The following PRSS23 variants were observed in gnomAD, a reference collection of about 807,000 sequenced individuals.
PRSS23 encodes protease, serine 23.
PRSS23 carries 25 observed loss-of-function variants against 34.7 expected under a neutral mutation model. The ratio of observed to expected loss-of-function variants is 0.72; its 90% confidence interval spans 0.53 to 1.01. The LOEUF (loss-of-function observed/expected upper bound fraction) is 1.01, where lower values mean the gene tolerates loss of function less well. Among genes scored for constraint, PRSS23 ranks in the 50% least tolerant of loss-of-function variants. The probability of loss-of-function intolerance (pLI) is 0.00; values close to 1 mark genes in which losing one functional copy is unlikely to be tolerated. For missense variants in PRSS23, 445 were observed against 475.6 expected, an observed-to-expected ratio of 0.94 and a Z score of 0.60; for synonymous variants, 176 against 186.6, an observed-to-expected ratio of 0.94 and a Z score of 0.46.
At chr11:86,850,297 TC>T in intron 2 of PRSS23, among the ~76,000 whole-genome samples, 1 of 152,206 alleles carries the variant, frequency 6.6e-6, no homozygotes, top group East Asian at 1.9e-4. Context: ...CCTAGAAAGT[TC>T]CCCTCTGGAG....
intron 1 of PRSS23, among the ~76,000 whole-genome samples, chr11:86,820,148 A>C (rs1225892554): frequency 2.0e-5 from 3 of 152,204 alleles, no homozygotes; most frequent in Non-Finnish European, 4.4e-5. Context: ...GTATTTCTTC[A>C]ATTTTATTTA....
chr11:86,923,120 C>T (rs892274283), intron 2 of PRSS23, among the ~76,000 whole-genome samples: 1 of 144,722 alleles, frequency 6.9e-6, no homozygotes, highest in Non-Finnish European at 1.5e-5. Flanking sequence ...TTCACCTGTT[C>T]CTGTCTACTT....
At chr11:86,886,186 A>AC (rs1200345727) in intron 2 of PRSS23, among the ~76,000 whole-genome samples, 1 of 151,924 alleles carries the variant, frequency 6.6e-6, no homozygotes, top group Non-Finnish European at 1.5e-5. Context: ...CAACAGTGAG[A>AC]CCCCATCTCT....
At chr11:86,930,145 A>C (rs1414012247) in intron 2 of PRSS23, among the ~76,000 whole-genome samples, 1 of 151,308 alleles carries the variant, frequency 6.6e-6, no homozygotes, top group African/African-American at 2.4e-5. Context: ...ATAGGCATTA[A>C]AAAATATCTG....
chr11:86,857,554 A>G (rs1948580693), intron 2 of PRSS23: 1 of 474,134 alleles, frequency 2.1e-6, no homozygotes, highest in South Asian at 1.6e-5. Context: ...CCAACAGGCT[A>G]AGGAAAAAGG....
intron 2 of PRSS23, among the ~76,000 whole-genome samples, chr11:86,834,559 TTTCCTTTCCTTTCC>T (rs1948389369): frequency 2.4e-5 from 1 of 41,994 alleles, no homozygotes; most frequent in South Asian, 1.0e-3. Context: ...TCCTTTTTCC[TTTCCTTTCCTTTCC>T]TTTCCTTTCC....
chr11:86,887,207 A>T (rs1003822264), intron 2 of PRSS23, among the ~76,000 whole-genome samples: 3 of 152,292 alleles, frequency 2.0e-5, no homozygotes. Context: ...CTTCTTTTAA[A>T]AATTATTCTG....
chr11:86,925,333 G>A (rs1051771931), intron 2 of PRSS23, among the ~76,000 whole-genome samples: 6 of 145,082 alleles, frequency 4.1e-5, no homozygotes, highest in African/African-American at 7.7e-5. Flanking sequence ...TGTGTGTGTC[G>A]TTTACATTTA....
exon 3 of PRSS23, chr11:86,952,079 C>G: frequency 6.2e-7 from 1 of 1,614,068 alleles, no homozygotes. Flanking sequence ...CAGGCTGGCC[C>G]ACACAGCCAT....
intron 1 of PRSS23, among the ~76,000 whole-genome samples, chr11:86,794,223 T>C (rs1947967536): frequency 6.6e-6 from 1 of 152,146 alleles, no homozygotes; most frequent in Admixed American, 6.6e-5. Flanking sequence ...AGAAAAAAAA[T>C]TTCCAATATA....
At chr11:86,831,192 C>A (rs979786560) in intron 2 of PRSS23, among the ~76,000 whole-genome samples, 3 of 152,040 alleles carry the variant, frequency 2.0e-5, no homozygotes, top group Admixed American at 1.3e-4. Flanking sequence ...TGCTTGTACA[C>A]CCTGCGATAT....
At chr11:86,801,095 T>A (rs939200901) in intron 1 of PRSS23, among the ~76,000 whole-genome samples, 2 of 152,136 alleles carry the variant, frequency 1.3e-5, no homozygotes, top group Non-Finnish European at 2.9e-5. Context: ...GTTTTAACCC[T>A]GGGCATGTGA....
At chr11:86,801,134 A>G (rs1346305430) in intron 1 of PRSS23, among the ~76,000 whole-genome samples, 1 of 152,186 alleles carries the variant, frequency 6.6e-6, no homozygotes, top group Admixed American at 6.5e-5. Flanking sequence ...AAGCAAGAGA[A>G]GTGCAAAAGT....
At chr11:86,823,158 T>G (rs1267024453) in intron 1 of PRSS23, among the ~76,000 whole-genome samples, 1 of 152,182 alleles carries the variant, frequency 6.6e-6, no homozygotes, top group Non-Finnish European at 1.5e-5. Flanking sequence ...GACACAAACA[T>G]GGAGGCAGAG....
Position 86,808,883 on chromosome 11 carries a change from CGTGTGT to C in PRSS23, c.*109_*114del, listed in dbSNP as rs35433370. 6.1e-4 allele frequency: 545 copies of C among 886,806 alleles called. No homozygotes were observed. The highest frequency in any genetic ancestry group is 9.4e-4 in the Middle Eastern group (4 of 4,248). The allele number at this position is 886,806 out of a possible 1,614,324, so 54.9% of individuals were successfully genotyped here. A position where few individuals can be genotyped will look rare whatever the true frequency, so the allele number is the denominator to read the frequency against. On this transcript the variant is annotated 3_prime_UTR_variant, in exon 2 of 2. Coordinates refer to ENST00000280258, the MANE Select transcript of PRSS23 (RefSeq NM_007173.6). ...TTGTTTTTTGTCATTGGCGTGCACA[CGTGTGT>C]GTGTGTGTGTGTGTGTGTGTAAGGT...
At chr11:86,919,539 C>T (rs938333157) in intron 2 of PRSS23, among the ~76,000 whole-genome samples, 1 of 152,136 alleles carries the variant, frequency 6.6e-6, no homozygotes, top group African/African-American at 2.4e-5. Context: ...AAGGCTTACT[C>T]CTCATCTCAA....
At chr11:86,843,288 T>A (rs2134907306) in intron 2 of PRSS23, among the ~76,000 whole-genome samples, 1 of 152,304 alleles carries the variant, frequency 6.6e-6, no homozygotes, top group African/African-American at 2.4e-5. Flanking sequence ...GATTAAAGAC[T>A]TAAATATAAG....
At chr11:86,834,056 G>A (rs1012968986) in intron 2 of PRSS23, among the ~76,000 whole-genome samples, 2 of 152,146 alleles carry the variant, frequency 1.3e-5, no homozygotes, top group African/African-American at 4.8e-5. Flanking sequence ...TTACAGCTTC[G>A]ATTCTGGAAG....
intron 2 of PRSS23, among the ~76,000 whole-genome samples, chr11:86,841,104 CT>C: frequency 6.6e-6 from 1 of 152,198 alleles, no homozygotes; most frequent in South Asian, 2.1e-4. Context: ...TTTTGGGAGG[CT>C]GAGGCAGGCG....
Sources: allele counts gnomAD v4.1 joint callset (sites outside exome capture counted in the v4.1 genomes callset), GRCh38; gene constraint gnomAD v4.1.1; transcripts MANE v1.5; gene names NCBI Gene and HGNC (gene_info 2026-07-23, HGNC 2026-07-21).